ZBTB8A: variants seen among roughly 807,000 people sequenced by gnomAD.
The protein encoded by ZBTB8A is zinc finger and BTB domain containing 8A.
A neutral mutation model predicts 37.8 loss-of-function variants in ZBTB8A; 19 were observed. The observed-to-expected ratio is 0.50, with a 90% CI of 0.35 to 0.74. The LOEUF is 0.74. Ranked by LOEUF, ZBTB8A falls within the 30% of genes least tolerant of loss-of-function variation. The probability of loss-of-function intolerance (pLI) is 0.01; values close to 1 mark genes in which losing one functional copy is unlikely to be tolerated. For synonymous variants in ZBTB8A, 181 were observed against 185.2 expected (o/e 0.98, Z 0.19); for missense variants, 394 against 537.8 (o/e 0.73, Z 2.65).
At chr1:32,552,481 C>T (rs1225722787) in intron 1 of ZBTB8A, among the ~76,000 whole-genome samples, 3 of 151,932 alleles carry the variant, frequency 2.0e-5, no homozygotes, top group East Asian at 1.9e-4. Flanking sequence ...CTGGCCAACA[C>T]GGAAAAACTC....
chr1:32,575,609 G>C (rs1644354085), intron 2 of ZBTB8A, among the ~76,000 whole-genome samples: 1 of 151,910 alleles, frequency 6.6e-6, no homozygotes, highest in African/African-American at 2.4e-5. Context: ...AATACTTTGA[G>C]GGTCCATGGT....
At chr1:32,567,839 A>ACAAAG (rs745938725) in intron 2 of ZBTB8A, among the ~76,000 whole-genome samples, 1,656 of 136,666 alleles carry the variant, frequency 0.012, 44 homozygotes, top group Middle Eastern at 0.016. Context: ...ACAAAACAAA[A>ACAAAG]CAAAAAAAAG....
intron 2 of ZBTB8A, among the ~76,000 whole-genome samples, chr1:32,589,885 T>G (rs954022386): frequency 6.6e-6 from 1 of 151,710 alleles, no homozygotes; most frequent in African/African-American, 2.4e-5. Context: ...ATATTTGATA[T>G]CATGTTTATA....
At chr1:32,573,264 T>TG (rs1420825912) in intron 2 of ZBTB8A, among the ~76,000 whole-genome samples, 7 of 146,082 alleles carry the variant, frequency 4.8e-5, no homozygotes, top group South Asian at 2.2e-4. Flanking sequence ...TTAGTAGAGA[T>TG]GGGGTTTCAG....
chr1:32,593,085 C>T lies in ZBTB8A; in HGVS notation c.154C>T (p.Leu52Phe). ...LFASSGYFKM[L>F]LSQNSKETSQ... ...CGCTAGTAGCGGCTACTTTAAAATGCTTCTTTCTCAGAATTCAAAGGAGAC... is the reference window on the plus strand; with the variant it reads ...CGCTAGTAGCGGCTACTTTAAAATGTTTCTTTCTCAGAATTCAAAGGAGAC... The change falls in exon 3 of 5, where the codon CTT becomes TTT. Residue 52 changes from leucine (L) to phenylalanine (F), a missense_variant. Physicochemically the swap from Leu to Phe is conservative, Grantham distance 22 (BLOSUM62 0). Coordinates refer to ENST00000373510, the MANE Select transcript of ZBTB8A (RefSeq NM_001040441.3). 6.2e-7 allele frequency: 1 copy of T among 1,614,174 alleles called. No individual in the cohort carries two copies. The highest frequency in any genetic ancestry group is 1.7e-5 in the Admixed American group (1 of 60,008).
At chr1:32,570,714 T>C (rs909495796) in intron 2 of ZBTB8A, among the ~76,000 whole-genome samples, 1 of 152,210 alleles carries the variant, frequency 6.6e-6, no homozygotes, top group African/African-American at 2.4e-5. Context: ...TGCTAACATA[T>C]AGAAATAAAA....
At chr1:32,592,812 T>G (rs1644500264) in intron 2 of ZBTB8A, 119 bp from the exon 3 acceptor site, 5 of 812,778 alleles carry the variant, frequency 6.2e-6, no homozygotes, top group Non-Finnish European at 9.5e-6. Context: ...CCAGCCACAG[T>G]GAGCTTTGAT....
intron 2 of ZBTB8A, among the ~76,000 whole-genome samples, chr1:32,585,989 G>A (rs928045836): frequency 6.6e-6 from 1 of 150,728 alleles, no homozygotes; most frequent in Non-Finnish European, 1.5e-5. Context: ...GGCAACAGGA[G>A]TGAAATTCCG....
chr1:32,585,776 G>A (rs973510008), intron 2 of ZBTB8A, among the ~76,000 whole-genome samples: 1 of 152,064 alleles, frequency 6.6e-6, no homozygotes. Flanking sequence ...GCCAAGGTGG[G>A]TGGATCACCT....
chr1:32,547,151 G>A (rs1169265493), intron 1 of ZBTB8A, among the ~76,000 whole-genome samples: 1 of 149,854 alleles, frequency 6.7e-6, no homozygotes, highest in Non-Finnish European at 1.5e-5. Context: ...TGATCCTCCT[G>A]CCTGGGCCTT....
chr1:32,555,231 T>C (rs554597043), intron 2 of ZBTB8A, among the ~76,000 whole-genome samples: 4 of 151,918 alleles, frequency 2.6e-5, no homozygotes, highest in African/African-American at 7.2e-5. Context: ...CTACTAGAAA[T>C]AGAAAAAATT....
At chr1:32,577,399 C>T (rs1644368312) in intron 2 of ZBTB8A, among the ~76,000 whole-genome samples, 3 of 151,588 alleles carry the variant, frequency 2.0e-5, no homozygotes, top group African/African-American at 7.3e-5. Context: ...ATCCACCCGC[C>T]TCAGCCTTCC....
At position 32,593,306 on chromosome 1, in the gene ZBTB8A, T is replaced by C. The variant is rs1303930952; in HGVS notation, c.375T>C (p.Ser125=). The change falls in exon 3 of 5, where the codon AGT becomes AGC. Residue 125 remains serine (S), a synonymous_variant. Transcript: ENST00000373510. ...TTATTAAATCTTCCTTAGACATTAG[T>C]GAGAAAGAAAAAGATCGCTATTTCA... The part of the protein sequence containing the change: ...KTFIKSSLDI[S]EKEKDRYFSL... 1 of 1,614,192 alleles carries C rather than the reference T, an allele frequency of 6.2e-7. No homozygotes were observed. Among genetic ancestry groups the C allele is most frequent in the Non-Finnish European group, 8.5e-7 (1 of 1,180,040 alleles).
chr1:32,562,430 C>T (rs1326750535), intron 2 of ZBTB8A, among the ~76,000 whole-genome samples: 2 of 151,730 alleles, frequency 1.3e-5, no homozygotes, highest in African/African-American at 2.4e-5. Flanking sequence ...CGCCACCACG[C>T]CTGGCTAATT....
intron 1 of ZBTB8A, among the ~76,000 whole-genome samples, chr1:32,542,254 T>C (rs115673171): frequency 4.4e-5 from 6 of 135,904 alleles, no homozygotes; most frequent in Non-Finnish European, 6.0e-5. Flanking sequence ...CTATATATCT[T>C]AAAAGAGTTG....
In ZBTB8A at chr1:32,603,863, A is replaced by G. The variant is rs1644596659; in HGVS notation, c.*3444A>G. 6.6e-6 allele frequency: 1 copy of G among 152,546 alleles called. No individual in the cohort carries two copies. Among genetic ancestry groups the G allele is most frequent in the Non-Finnish European group, 1.5e-5 (1 of 68,048 alleles). 9.4% of individuals were successfully genotyped at this position (152,546 alleles called of 1,614,324 possible). On this transcript the variant is annotated 3_prime_UTR_variant, in exon 5 of 5. Coordinates refer to ENST00000373510, the MANE Select transcript of ZBTB8A (RefSeq NM_001040441.3). ...CTGTTGTATCATTTTAACATCATAGAAGAACATTTAAGACATGTTTGTAAG... is the reference window on the plus strand; with the variant it reads ...CTGTTGTATCATTTTAACATCATAGGAGAACATTTAAGACATGTTTGTAAG...
chr1:32,565,072 G>C (rs926752298), intron 2 of ZBTB8A, among the ~76,000 whole-genome samples: 1 of 152,194 alleles, frequency 6.6e-6, no homozygotes, highest in Non-Finnish European at 1.5e-5. Flanking sequence ...GCTCATGCCT[G>C]TAATCCCAAC....
intron 2 of ZBTB8A, among the ~76,000 whole-genome samples, chr1:32,574,804 TC>T (rs1644348027): frequency 6.6e-6 from 1 of 152,148 alleles, no homozygotes; most frequent in African/African-American, 2.4e-5. Flanking sequence ...TGAGACAGGA[TC>T]TCACTCTGTC....
intron 2 of ZBTB8A, among the ~76,000 whole-genome samples, chr1:32,554,764 C>A (rs1328592500): frequency 6.6e-6 from 1 of 152,114 alleles, no homozygotes; most frequent in Non-Finnish European, 1.5e-5. Context: ...CAGGCCTGAG[C>A]CACCGCACCC....
Sources: gnomAD v4.1 joint callset for allele counts (sites outside exome capture counted in the v4.1 genomes callset) on GRCh38, gnomAD v4.1.1 for gene constraint, MANE v1.5 for transcripts, NCBI Gene and HGNC (gene_info 2026-07-23, HGNC 2026-07-21) for gene names.